PLEKHH2: variants seen among roughly 807,000 people sequenced by gnomAD.
PLEKHH2 encodes the protein pleckstrin homology, MyTH4 and FERM domain containing H2, also known as pleckstrin homology domain-containing family H member 2.
PLEKHH2 carries 129 observed loss-of-function variants against 187.9 expected under a neutral mutation model. That is an observed-to-expected ratio of 0.69 (90% confidence interval 0.59 to 0.79). The LOEUF is 0.79. Ranked by LOEUF, PLEKHH2 falls within the 30% of genes least tolerant of loss-of-function variation. The probability of loss-of-function intolerance (pLI) is 0.00; values close to 1 mark genes in which losing one functional copy is unlikely to be tolerated. For missense variants in PLEKHH2, 2,076 were observed against 1,751.2 expected, an observed-to-expected ratio of 1.19 and a Z score of -3.31; for synonymous variants, 686 against 605.6, an observed-to-expected ratio of 1.13 and a Z score of -1.95.
chr2:43,666,764 T>C (rs909223954), intron 2 of PLEKHH2, among the ~76,000 whole-genome samples: 2 of 152,222 alleles, frequency 1.3e-5, no homozygotes, highest in Non-Finnish European at 2.9e-5. Context: ...TTTGGTAAAG[T>C]ATCTGTCTAA....
rs1235926371 is a variant in PLEKHH2, at chr2:43,700,241, C to T, written c.1283C>T (p.Thr428Ile). ...KHPNSLSGKG[T>I]QLVPSSHLPP... is the part of the protein sequence containing the mutation. ...CCTAACTCACTCTCTGGAAAAGGAA[C>T]ACAATTAGTGCCTTCATCACACCTG... is the stretch of plus-strand genomic sequence containing the variant. Residue 428 changes from threonine (T) to isoleucine (I), a missense_variant, in exon 8 of 30, where the codon ACA (threonine) becomes ATA (isoleucine). By Grantham distance (89) the Thr-to-Ile change is moderately conservative (BLOSUM62 -1). Coordinates refer to ENST00000282406, the MANE Select transcript of PLEKHH2 (RefSeq NM_172069.4). The T allele has an allele frequency of 1.9e-6, 3 of 1,614,048 alleles. No homozygotes were observed. Among genetic ancestry groups the T allele is most frequent in the Admixed American group, 1.7e-5 (1 of 60,012 alleles).
At chr2:43,711,728 A>G in intron 14 of PLEKHH2, 3 of 437,300 alleles carry the variant, frequency 6.9e-6, no homozygotes, top group Non-Finnish European at 9.1e-6. Context: ...CGTCTCTACT[A>G]AAAATTCAAA....
At chr2:43,691,376 T>A (rs1230427732) in intron 3 of PLEKHH2, among the ~76,000 whole-genome samples, 3 of 151,886 alleles carry the variant, frequency 2.0e-5, no homozygotes, top group African/African-American at 7.3e-5. Context: ...GAATAGGGAG[T>A]GCGTGCTGAT....
intron 3 of PLEKHH2, among the ~76,000 whole-genome samples, chr2:43,687,160 C>G (rs1200761642): frequency 1.3e-5 from 2 of 152,180 alleles, no homozygotes; most frequent in African/African-American, 4.8e-5. Flanking sequence ...CTCCCTGTCT[C>G]ATAGTCCTCA....
At chr2:43,678,076 C>T (rs1184222842) in intron 2 of PLEKHH2, among the ~76,000 whole-genome samples, 5 of 124,334 alleles carry the variant, frequency 4.0e-5, no homozygotes, top group East Asian at 2.8e-4. Flanking sequence ...CAGACGGGGT[C>T]GCGGCCGGGC....
chr2:43,654,712 C>G (rs1003099970), intron 2 of PLEKHH2, among the ~76,000 whole-genome samples: 11 of 95,356 alleles, frequency 1.2e-4, no homozygotes, highest in South Asian at 7.4e-4. Context: ...ACACCCCCCC[C>G]CCCCGCATCT....
chr2:43,653,544 G>C (rs1046022270), intron 2 of PLEKHH2, among the ~76,000 whole-genome samples: 5 of 152,226 alleles, frequency 3.3e-5, no homozygotes, highest in Non-Finnish European at 1.5e-5. Flanking sequence ...TTATTAAAAG[G>C]AGGAAGTAAA....
chr2:43,687,973 AT>A (rs894892659), intron 3 of PLEKHH2, among the ~76,000 whole-genome samples: 4 of 151,428 alleles, frequency 2.6e-5, no homozygotes, highest in South Asian at 4.2e-4. Context: ...ATATTTTAGA[AT>A]TTTTTTTGTA....
At chr2:43,693,742 G>GAAAAAAAAAAAAAA (rs1304124515) in intron 4 of PLEKHH2, among the ~76,000 whole-genome samples, 6 of 99,162 alleles carry the variant, frequency 6.1e-5, no homozygotes, top group Non-Finnish European at 1.1e-4. Flanking sequence ...AAAAAAAAAG[G>GAAAAAAAAAAAAAA]AAAAAATTGC....
intron 2 of PLEKHH2, among the ~76,000 whole-genome samples, chr2:43,666,905 TAGTA>T (rs1667246421): frequency 6.6e-6 from 1 of 152,202 alleles, no homozygotes; most frequent in East Asian, 1.9e-4. Context: ...TTTTTCTTAA[TAGTA>T]AGTATTGGCT....
rs762056117 is a variant in PLEKHH2 at position 43,758,916 on chromosome 2, C to A, written c.3958C>A (p.Leu1320Ile). Residue 1320 changes from leucine to isoleucine, a missense_variant, in exon 27 of 30, where the codon CTT becomes ATT. By Grantham distance (5) the Leu-to-Ile change is conservative (BLOSUM62 2). Coordinates refer to ENST00000282406, the MANE Select transcript of PLEKHH2 (RefSeq NM_172069.4). ...EEQLRQLCQR[L>I]STRWMALRGH... ...TTTTTTTAGGCAGCTTTGCCAGCGA[C>A]TTTCAACCAGATGGATGGCCCTCCG... 2.1e-5 allele frequency: 34 copies of A among 1,586,934 alleles called. 1 individual carries two copies. In the East Asian group the frequency reaches 7.2e-4, roughly 34 times the overall value.
Position 43,695,821 on chromosome 2 carries a change from G to A in PLEKHH2, c.502+597G>A, listed in dbSNP as rs375473866. ...GAATAGACCTTTTAATGGAGATTAG[G>A]GGAGTCACAGATACCATACATTTGT... On this transcript the variant is annotated intron_variant, in intron 6 of 29. Coordinates refer to ENST00000282406, the MANE Select transcript of PLEKHH2 (RefSeq NM_172069.4). Among the ~76,000 whole-genome samples, 8 of 152,262 alleles carry A rather than the reference G, an allele frequency of 5.3e-5. No individual in the cohort carries two copies. In the South Asian group the frequency reaches 1.2e-3, roughly 24 times the overall value.
chr2:43,670,971 G>C (rs1667467887), intron 2 of PLEKHH2, among the ~76,000 whole-genome samples: 1 of 150,924 alleles, frequency 6.6e-6, no homozygotes. Context: ...ATTGTTTATT[G>C]CTCTTATTTT....
At chr2:43,645,771 T>C (rs776136639) in intron 2 of PLEKHH2, among the ~76,000 whole-genome samples, 5 of 152,162 alleles carry the variant, frequency 3.3e-5, no homozygotes, top group African/African-American at 4.8e-5. Flanking sequence ...GCTCATATTA[T>C]ATTTCTATTG....
chr2:43,754,870 T>TTA lies in PLEKHH2; in HGVS notation c.3795+1111_3795+1112insAT, dbSNP rs1491589492. 0.013 allele frequency among the ~76,000 whole-genome samples: 568 copies of TTA among 42,556 alleles called. 4 individuals are homozygous for TTA. In the African/African-American group the frequency reaches 0.14, roughly 11 times the overall value. The allele number at this position is 42,556 out of a possible 152,430, so 27.9% of individuals were successfully genotyped here. A position where few individuals can be genotyped will look rare whatever the true frequency, so the allele number is the denominator to read the frequency against. The stretch of plus-strand genomic sequence containing the variant: ...TTTTTATGGGCTCCTTAAAATCAAC[T>TTA]TTTTTTTTTTTTTTTTTTTTGAGAC... On this transcript the variant is annotated intron_variant, in intron 25 of 29. Coordinates refer to ENST00000282406, the MANE Select transcript of PLEKHH2 (RefSeq NM_172069.4).
intron 2 of PLEKHH2, among the ~76,000 whole-genome samples, chr2:43,659,291 C>G (rs2104374903): frequency 6.6e-6 from 1 of 152,142 alleles, no homozygotes; most frequent in East Asian, 1.9e-4. Context: ...GCCACCAAGC[C>G]TGGCAAAGAC....
rs1183646026 is a variant in PLEKHH2, at chr2:43,712,362, C to T, written c.2439C>T (p.Thr813=). The change falls in exon 15 of 30, where the codon ACC becomes ACT. Residue 813 remains threonine (T), a synonymous_variant. Coordinates refer to ENST00000282406, the MANE Select transcript of PLEKHH2 (RefSeq NM_172069.4). ...CCCTGCAGCCTGAGGGCAAACCCACCATGAAGGGATTGCTCACTAAGGTAG... is the reference window on the plus strand; with the variant it reads ...CCCTGCAGCCTGAGGGCAAACCCACTATGAAGGGATTGCTCACTAAGGTAG... ...PLSLQPEGKP[T]MKGLLTKVKH... is the part of the protein sequence containing the mutation. 2 of 1,614,092 alleles carry T rather than the reference C, an allele frequency of 1.2e-6. No individual in the cohort carries two copies. The highest frequency in any genetic ancestry group is 3.3e-5 in the Admixed American group (2 of 59,996).
intron 2 of PLEKHH2, chr2:43,675,526 C>T (rs1445332995): frequency 6.2e-7 from 1 of 1,613,866 alleles, no homozygotes; most frequent in African/African-American, 1.3e-5. Context: ...TGAACAGCAG[C>T]CTTCTACTAC....
At chr2:43,695,742 A>T (rs943346196) in intron 6 of PLEKHH2, among the ~76,000 whole-genome samples, 1 of 152,238 alleles carries the variant, frequency 6.6e-6, no homozygotes, top group African/African-American at 2.4e-5. Flanking sequence ...AGGTAGTTGT[A>T]TCAGAGAGAC....
Sources: gnomAD v4.1 joint callset for allele counts (sites outside exome capture counted in the v4.1 genomes callset) on GRCh38, gnomAD v4.1.1 for gene constraint, MANE v1.5 for transcripts, NCBI Gene and HGNC (gene_info 2026-07-23, HGNC 2026-07-21) for gene names.